The following TCF12 variants were observed in gnomAD, a reference collection of about 807,000 sequenced individuals.
TCF12 encodes transcription factor 12.
Under a neutral mutation model 86.0 loss-of-function variants are expected in TCF12, and 45 were observed. That is an observed-to-expected ratio of 0.52 (90% CI 0.41 to 0.67). The LOEUF (loss-of-function observed/expected upper bound fraction) is 0.67, where lower values mean the gene tolerates loss of function less well. TCF12 is among the 30% of genes least tolerant of loss of function. The pLI, the probability that TCF12 is intolerant of heterozygous loss-of-function variation, is 0.00. For synonymous variants in TCF12, 330 were observed against 299.6 expected (o/e 1.10, Z -1.05); for missense variants, 881 against 859.9 (o/e 1.02, Z -0.31).
intron 5 of TCF12, among the ~76,000 whole-genome samples, chr15:57,164,011 G>A (rs191205108): frequency 7.9e-5 from 12 of 152,176 alleles, no homozygotes; most frequent in African/African-American, 2.4e-4. Flanking sequence ...AGAAGATTGT[G>A]GGGAGGGGTC....
chr15:57,168,631 T>G (rs1387004171), intron 6 of TCF12, among the ~76,000 whole-genome samples: 2 of 152,222 alleles, frequency 1.3e-5, no homozygotes, highest in Non-Finnish European at 2.9e-5. Flanking sequence ...CATAAATGAC[T>G]TGGATTGGAG....
chr15:57,154,750 C>T (rs1291930010), intron 5 of TCF12, among the ~76,000 whole-genome samples: 1 of 152,086 alleles, frequency 6.6e-6, no homozygotes. Flanking sequence ...ATTTTAAAAC[C>T]TCTGAAAGTA....
At chr15:57,192,806 C>A (rs554414068) in intron 7 of TCF12, among the ~76,000 whole-genome samples, 2 of 152,264 alleles carry the variant, frequency 1.3e-5, no homozygotes, top group South Asian at 4.1e-4. Flanking sequence ...TATCAAAATT[C>A]TTACTTTTAT....
chr15:56,932,833 G>A (rs1486394510), intron 3 of TCF12, among the ~76,000 whole-genome samples: 3 of 152,146 alleles, frequency 2.0e-5, no homozygotes, highest in Admixed American at 2.0e-4. Context: ...ATAGGTGTGA[G>A]CTACTGTGCC....
chr15:57,232,545 C>A, intron 10 of TCF12, 115 bp downstream of exon 10: 1 of 1,481,708 alleles, frequency 6.7e-7, no homozygotes, highest in East Asian at 2.3e-5. Flanking sequence ...TGAAGTACTT[C>A]AAGGCTTACC....
At chr15:56,986,582 A>T (rs2063189613) in intron 3 of TCF12, among the ~76,000 whole-genome samples, 1 of 152,206 alleles carries the variant, frequency 6.6e-6, no homozygotes, top group African/African-American at 2.4e-5. Flanking sequence ...ATCTTCCAGA[A>T]GTTTTATAAT....
intron 16 of TCF12, among the ~76,000 whole-genome samples, chr15:57,256,871 T>A (rs978850544): frequency 2.6e-5 from 4 of 152,262 alleles, no homozygotes; most frequent in Admixed American, 6.5e-5. Flanking sequence ...ATTTTTGTTA[T>A]AATGGAACTT....
Position 57,286,587 on chromosome 15 carries a change from G to C in TCF12, c.*442G>C, listed in dbSNP as rs1382678660. The stretch of plus-strand genomic sequence containing the variant: ...GTGGAAAGCTGATCTACACTCAGCT[G>C]ATGCCAGCATACATTAAAGCGGTTC... On this transcript the variant is annotated 3_prime_UTR_variant, in exon 21 of 21. Transcript: ENST00000333725. 1 of 456,216 alleles carries C rather than the reference G, an allele frequency of 2.2e-6. No individual in the cohort carries two copies. Among genetic ancestry groups the C allele is most frequent in the African/African-American group, 2.0e-5 (1 of 50,184 alleles). The allele number at this position is 456,216 out of a possible 1,614,324, so 28.3% of individuals were successfully genotyped here. A position where few individuals can be genotyped will look rare whatever the true frequency, so the allele number is the denominator to read the frequency against.
chr15:57,062,773 T>C (rs1263534896), intron 3 of TCF12, among the ~76,000 whole-genome samples: 1 of 152,222 alleles, frequency 6.6e-6, no homozygotes, highest in Non-Finnish European at 1.5e-5. Context: ...CTTAGCAGAA[T>C]GTTATCATTG....
rs527483035 is a variant in TCF12 at position 57,244,137 on chromosome 15, C to G, written c.1114+587C>G. ...CAAGCAATCCTCCCACCTTGGCCCC[C>G]CAAAATGCTGGGATTACAGGTGTCA... On this transcript the variant is annotated intron_variant, in intron 13 of 20. Transcript: ENST00000333725. Among the ~76,000 whole-genome samples, 9 of 152,182 alleles carry G rather than the reference C, an allele frequency of 5.9e-5. 1 individual carries two copies. In the East Asian group the frequency reaches 1.5e-3, roughly 26 times the overall value.
At chr15:57,233,947 G>A in intron 11 of TCF12, 96 bp from the exon 12 acceptor site, 1 of 925,588 alleles carries the variant, frequency 1.1e-6, no homozygotes. Flanking sequence ...ACAGATGTGA[G>A]ATGATGATAG....
intron 17 of TCF12, among the ~76,000 whole-genome samples, chr15:57,262,761 C>A (rs1481393637): frequency 4.6e-5 from 7 of 152,172 alleles, no homozygotes; most frequent in African/African-American, 1.7e-4. Context: ...ACTGTTTATC[C>A]AGGAAGATGT....
intron 4 of TCF12, among the ~76,000 whole-genome samples, chr15:57,085,787 T>C (rs1324985295): frequency 6.6e-6 from 1 of 152,212 alleles, no homozygotes; most frequent in African/African-American, 2.4e-5. Flanking sequence ...CTTATTTATA[T>C]CCAGGCCTCA....
chr15:57,102,444 C>T (rs1214514354), intron 5 of TCF12, among the ~76,000 whole-genome samples: 1 of 151,878 alleles, frequency 6.6e-6, no homozygotes, highest in Admixed American at 6.6e-5. Flanking sequence ...CTAAAAATAC[C>T]AAAATTAGCT....
chr15:57,251,257 A>C, intron 13 of TCF12, 93 bp from the exon 14 acceptor site: 1 of 1,020,382 alleles, frequency 9.8e-7, no homozygotes. Flanking sequence ...ATGTAAATTT[A>C]TTTAGTTATT....
chr15:56,954,082 A>G (rs1395839858), intron 3 of TCF12, among the ~76,000 whole-genome samples: 2 of 152,108 alleles, frequency 1.3e-5, no homozygotes, highest in African/African-American at 2.4e-5. Context: ...CAGCTTTAGT[A>G]GCATTACAGC....
chr15:56,964,232 A>C (rs1395428094), intron 3 of TCF12, among the ~76,000 whole-genome samples: 1 of 152,166 alleles, frequency 6.6e-6, no homozygotes, highest in Admixed American at 6.5e-5. Context: ...TTTTGGTAGA[A>C]TCAGTGTGGT....
At chr15:56,990,263 G>A (rs977514248) in intron 3 of TCF12, among the ~76,000 whole-genome samples, 1 of 149,216 alleles carries the variant, frequency 6.7e-6, no homozygotes, top group East Asian at 2.0e-4. Flanking sequence ...GTGCGTGTGT[G>A]TGTGTGTGTG....
At chr15:56,984,014 A>AAAAAAAAAAAAAAGAAG (rs777234282) in intron 3 of TCF12, among the ~76,000 whole-genome samples, 2 of 104,450 alleles carry the variant, frequency 1.9e-5, no homozygotes, top group African/African-American at 9.1e-5. Flanking sequence ...AAAAAAAAAA[A>AAAAAAAAAAAAAAGAAG]AAGAAGAAGA....
Sources: gnomAD v4.1 joint callset for allele counts (sites outside exome capture counted in the v4.1 genomes callset) on GRCh38, gnomAD v4.1.1 for gene constraint, MANE v1.5 for transcripts, NCBI Gene and HGNC (gene_info 2026-07-23, HGNC 2026-07-21) for gene names.